The following ADAMTS17 variants were observed in gnomAD, a reference collection of about 807,000 sequenced individuals.
ADAMTS17 encodes the protein A disintegrin and metalloproteinase with thrombospondin motifs 17.
A neutral mutation model predicts 141.5 loss-of-function variants in ADAMTS17; 113 were observed. The observed-to-expected ratio is 0.80, with a 90% CI of 0.69 to 0.93. ADAMTS17 has a LOEUF of 0.93. Among genes scored for constraint, ADAMTS17 ranks in the 40% least tolerant of loss-of-function variants. The pLI, the probability that ADAMTS17 is intolerant of heterozygous loss-of-function variation, is 0.00. For synonymous variants in ADAMTS17, 768 were observed against 630.6 expected (o/e 1.22, Z -3.27); for missense variants, 1,659 against 1,517.9 (o/e 1.09, Z -1.54).
At chr15:100,024,664 G>A (rs1309432573) in intron 18 of ADAMTS17, among the ~76,000 whole-genome samples, 1 of 152,188 alleles carries the variant, frequency 6.6e-6, no homozygotes, top group African/African-American at 2.4e-5. Flanking sequence ...TTACATTTGT[G>A]AAGGCTTTAC....
At chr15:100,331,308 C>T (rs1189127892) in intron 2 of ADAMTS17, among the ~76,000 whole-genome samples, 1 of 152,106 alleles carries the variant, frequency 6.6e-6, no homozygotes, top group Non-Finnish European at 1.5e-5. Context: ...TCCATGTTGG[C>T]TTTCAGAGAA....
intron 14 of ADAMTS17, among the ~76,000 whole-genome samples, chr15:100,100,519 G>C (rs1233389950): frequency 6.6e-6 from 1 of 152,096 alleles, no homozygotes; most frequent in Non-Finnish European, 1.5e-5. Flanking sequence ...GACACCCCCT[G>C]CCACTGTCTT....
chr15:100,105,747 G>A (rs144683967), intron 14 of ADAMTS17, among the ~76,000 whole-genome samples: 1 of 152,220 alleles, frequency 6.6e-6, no homozygotes, highest in African/African-American at 2.4e-5. Flanking sequence ...GAGTGCAATG[G>A]TGCAATCTCG....
chr15:100,019,303 G>A (rs2141436601), intron 18 of ADAMTS17, among the ~76,000 whole-genome samples: 1 of 152,258 alleles, frequency 6.6e-6, no homozygotes, highest in South Asian at 2.1e-4. Context: ...GGGAAAGGAG[G>A]AGAACGGGAC....
At chr15:99,978,033 G>A (rs531149343) in intron 20 of ADAMTS17, among the ~76,000 whole-genome samples, 78 of 152,310 alleles carry the variant, frequency 5.1e-4, no homozygotes, top group Admixed American at 1.4e-3. Flanking sequence ...GGGTTTGGGC[G>A]CAGCCTTGTT....
At chr15:100,200,432 T>C (rs2041283680) in intron 7 of ADAMTS17, among the ~76,000 whole-genome samples, 1 of 151,830 alleles carries the variant, frequency 6.6e-6, no homozygotes, top group African/African-American at 2.4e-5. Context: ...GGGGGCTGAC[T>C]CTCCAGGGCT....
At chr15:100,301,636 A>G (rs2141818153) in intron 3 of ADAMTS17, among the ~76,000 whole-genome samples, 1 of 151,938 alleles carries the variant, frequency 6.6e-6, no homozygotes, top group South Asian at 2.1e-4. Context: ...CAGCTTATGT[A>G]AGTTATATTT....
In ADAMTS17 at chr15:99,993,990, G is replaced by T. The variant is rs1379057018; in HGVS notation, c.2797-790C>A. On this transcript the variant is annotated intron_variant, in intron 19 of 21. Transcript: ENST00000268070. This position sits in a 1 kb window ranked among gnomAD's most constrained non-coding sequence, Gnocchi z 4.3. ...GGCATGACAGGGTGTCAACACAGCA[G>T]ACAGGCACTCTGGAGTGCGTCTGGA... is the stretch of plus-strand genomic sequence containing the variant. Among the ~76,000 whole-genome samples, 6 of 152,180 alleles carry T rather than the reference G, an allele frequency of 3.9e-5. No homozygotes were observed. The South Asian group carries it at 1.0e-3, about 26-fold the overall frequency.
intron 3 of ADAMTS17, among the ~76,000 whole-genome samples, chr15:100,327,037 C>A (rs1015495394): frequency 3.9e-5 from 6 of 152,138 alleles, no homozygotes; most frequent in African/African-American, 1.2e-4. Flanking sequence ...AATCTTAACC[C>A]ATTTATGCCA....
intron 8 of ADAMTS17, among the ~76,000 whole-genome samples, chr15:100,188,504 A>G (rs1272837754): frequency 6.6e-6 from 1 of 152,142 alleles, no homozygotes; most frequent in Non-Finnish European, 1.5e-5. Context: ...TTCCTTCCAT[A>G]TTCTACGTGG....
intron 7 of ADAMTS17, among the ~76,000 whole-genome samples, chr15:100,245,810 C>T (rs116658798): frequency 2.3e-3 from 346 of 152,280 alleles, no homozygotes; most frequent in African/African-American, 8.1e-3. Flanking sequence ...CTCGCCAGGC[C>T]TTAAGGTATG....
chr15:100,058,346 A>ACCCCTATCCCGGCTCTAACAC (rs2032816167), intron 15 of ADAMTS17, among the ~76,000 whole-genome samples: 8 of 10,770 alleles, frequency 7.4e-4, no homozygotes, highest in South Asian at 3.3e-3. Flanking sequence ...CGGCTCTAAC[A>ACCCCTATCCCGGCTCTAACAC]CCCCTATCCC....
chr15:99,977,349 C>CATATAT (rs71151927), intron 20 of ADAMTS17, among the ~76,000 whole-genome samples: 11 of 30,330 alleles, frequency 3.6e-4, no homozygotes, highest in South Asian at 2.3e-3. Flanking sequence ...CCCTCCTCTT[C>CATATAT]ATATATATAT....
At chr15:100,275,211 C>T (rs577029353) in intron 4 of ADAMTS17, among the ~76,000 whole-genome samples, 7 of 152,254 alleles carry the variant, frequency 4.6e-5, no homozygotes, top group East Asian at 1.9e-4. Flanking sequence ...AAGTCAAGTT[C>T]GGGCTGCCTA....
chr15:99,975,363 C>T (rs1490208771), intron 21 of ADAMTS17, among the ~76,000 whole-genome samples: 2 of 152,164 alleles, frequency 1.3e-5, no homozygotes, highest in Non-Finnish European at 2.9e-5. Flanking sequence ...GCACACGCCA[C>T]CACGCCCGGC....
intron 7 of ADAMTS17, among the ~76,000 whole-genome samples, chr15:100,237,703 A>G (rs2042702645): frequency 6.6e-6 from 1 of 152,272 alleles, no homozygotes; most frequent in Non-Finnish European, 1.5e-5. Context: ...AGCTCAGTGC[A>G]ACCTCCGCCT....
At chr15:100,283,998 C>A (rs892487753) in intron 3 of ADAMTS17, among the ~76,000 whole-genome samples, 1 of 152,086 alleles carries the variant, frequency 6.6e-6, no homozygotes. Context: ...CCCAGCCACT[C>A]GGGAGGCGAG....
In ADAMTS17 at chr15:100,341,122, C is replaced by CGGCGGGGCG. The variant is rs1290287189; in HGVS notation, c.358_366dup (p.Arg120_Ala122dup). The CGGCGGGGCG allele has an allele frequency of 1.3e-5, 19 of 1,441,664 alleles. No homozygotes were observed. The East Asian group carries it at 5.6e-4, about 42-fold the overall frequency. 89.3% of individuals were successfully genotyped at this position (1,441,664 alleles called of 1,614,324 possible). ...ACACGGCCCGAGTAGAAGCACAGCTCGGCGGGGCGGCCGCGGCGCCGGGCC... is the reference window on the plus strand; with the variant it reads ...ACACGGCCCGAGTAGAAGCACAGCTCGGCGGGGCGGGCGGGGCGGCCGCGGCGCCGGGCC... On this transcript the variant is annotated inframe_insertion, in exon 2 of 22. Coordinates refer to ENST00000268070, the MANE Select transcript of ADAMTS17 (RefSeq NM_139057.4).
At position 99,993,263 on chromosome 15, in the gene ADAMTS17, T is replaced by C. The variant is rs1251152445; in HGVS notation, c.2797-63A>G. 6.2e-7 allele frequency: 1 copy of C among 1,604,690 alleles called. No individual in the cohort carries two copies. Among genetic ancestry groups the C allele is most frequent in the Non-Finnish European group, 8.5e-7 (1 of 1,173,458 alleles). On this transcript the variant is annotated intron_variant, in intron 19 of 21. Transcript: ENST00000268070. This position sits in a 1 kb window ranked among gnomAD's most constrained non-coding sequence, Gnocchi z 4.3. ...TTCGATTCAAGTCCATCAACAGCTA[T>C]TAACTCCCTCCAATGTGCCAGGTGC...
Sources: allele counts gnomAD v4.1 joint callset (sites outside exome capture counted in the v4.1 genomes callset), GRCh38; gene constraint gnomAD v4.1.1; non-coding constraint Gnocchi (gnomAD v3.1); transcripts MANE v1.5; gene names NCBI Gene and HGNC (gene_info 2026-07-23, HGNC 2026-07-21).